The following MACROD2 variants were observed in gnomAD, a reference collection of about 807,000 sequenced individuals.
MACROD2 encodes the protein ADP-ribose glycohydrolase MACROD2.
Under a neutral mutation model 70.4 loss-of-function variants are expected in MACROD2, and 36 were observed. That is an observed-to-expected ratio of 0.51 (90% CI 0.39 to 0.68). MACROD2 has a LOEUF of 0.68. MACROD2 is among the 30% of genes least tolerant of loss of function. The pLI is 0.00. For missense variants in MACROD2, 496 were observed against 538.4 expected, an observed-to-expected ratio of 0.92 and a Z score of 0.78; for synonymous variants, 172 against 178.8, an observed-to-expected ratio of 0.96 and a Z score of 0.30.
chr20:15,595,827 C>CTTG (rs569565767), intron 8 of MACROD2, among the ~76,000 whole-genome samples: 294 of 152,228 alleles, frequency 1.9e-3, no homozygotes, highest in Admixed American at 7.5e-3. Context: ...ACTTGGCACA[C>CTTG]TAATAGAGGC....
intron 5 of MACROD2, among the ~76,000 whole-genome samples, chr20:14,885,346 A>G (rs1450316808): frequency 2.6e-5 from 4 of 152,108 alleles, no homozygotes; most frequent in Admixed American, 1.3e-4. Flanking sequence ...ATCAGATATT[A>G]TTGTATCATA....
chr20:15,455,794 A>G (rs1327285717), intron 7 of MACROD2, among the ~76,000 whole-genome samples: 1 of 152,116 alleles, frequency 6.6e-6, no homozygotes, highest in African/African-American at 2.4e-5. Context: ...CGGTTTTCCT[A>G]CATGGATTAC....
intron 5 of MACROD2, among the ~76,000 whole-genome samples, chr20:15,038,242 C>T (rs1054285263): frequency 6.6e-6 from 1 of 152,134 alleles, no homozygotes; most frequent in Non-Finnish European, 1.5e-5. Flanking sequence ...AGATTTCAAA[C>T]TGCATTTATA....
intron 5 of MACROD2, among the ~76,000 whole-genome samples, chr20:14,787,238 A>G (rs1184854850): frequency 6.6e-6 from 1 of 152,090 alleles, no homozygotes; most frequent in Non-Finnish European, 1.5e-5. Flanking sequence ...ATCTTCTCTC[A>G]ATTGCCTTTT....
At chr20:15,534,304 A>T (rs549715412) in intron 8 of MACROD2, among the ~76,000 whole-genome samples, 1 of 152,354 alleles carries the variant, frequency 6.6e-6, no homozygotes, top group African/African-American at 2.4e-5. Context: ...GTATAGCTAG[A>T]GTTATGTCTC....
At chr20:14,133,614 T>C (rs896925908) in intron 3 of MACROD2, among the ~76,000 whole-genome samples, 2 of 152,228 alleles carry the variant, frequency 1.3e-5, no homozygotes, top group Admixed American at 6.5e-5. Context: ...GGAAAAGTCC[T>C]GAATGGGTGA....
intron 8 of MACROD2, among the ~76,000 whole-genome samples, chr20:15,858,286 A>T (rs1245712763): frequency 2.9e-5 from 1 of 34,896 alleles, no homozygotes. Flanking sequence ...CCTAACATTT[A>T]AAAAAAAATG....
At chr20:15,055,857 G>A (rs1224469980) in intron 5 of MACROD2, among the ~76,000 whole-genome samples, 3 of 149,484 alleles carry the variant, frequency 2.0e-5, no homozygotes, top group East Asian at 2.0e-4. Context: ...GTGCAGTGGC[G>A]CCATCTCGGC....
At chr20:14,086,495 A>C (rs1334239616) in intron 3 of MACROD2, among the ~76,000 whole-genome samples, 1 of 152,234 alleles carries the variant, frequency 6.6e-6, no homozygotes, top group Non-Finnish European at 1.5e-5. Context: ...TTATCTAAAT[A>C]GACTATGACA....
intron 6 of MACROD2, among the ~76,000 whole-genome samples, chr20:15,361,633 A>G (rs1011701738): frequency 2.0e-4 from 31 of 152,324 alleles, no homozygotes; most frequent in South Asian, 6.2e-4. Flanking sequence ...TTAAACTTCT[A>G]TGTCATTTAG....
At chr20:15,022,399 T>C (rs913767760) in intron 5 of MACROD2, among the ~76,000 whole-genome samples, 2 of 152,198 alleles carry the variant, frequency 1.3e-5, no homozygotes, top group Admixed American at 6.5e-5. Context: ...GTAATATTAT[T>C]TGATGTTTTT....
At chr20:15,686,429 A>G (rs1013277349) in intron 8 of MACROD2, among the ~76,000 whole-genome samples, 2 of 152,194 alleles carry the variant, frequency 1.3e-5, no homozygotes, top group Non-Finnish European at 2.9e-5. Context: ...GGAAAATGCC[A>G]TTATTGCAAA....
chr20:14,083,642 T>C (rs1330921110), intron 2 of MACROD2, among the ~76,000 whole-genome samples: 1 of 152,146 alleles, frequency 6.6e-6, no homozygotes, highest in East Asian at 1.9e-4. Flanking sequence ...AATAGTACTG[T>C]AGGAGTCCCT....
At chr20:15,683,372 A>T in intron 8 of MACROD2, among the ~76,000 whole-genome samples, 1 of 152,212 alleles carries the variant, frequency 6.6e-6, no homozygotes, top group East Asian at 1.9e-4. Flanking sequence ...ATCATCCTAG[A>T]AATTATTTCA....
At position 15,885,890 on chromosome 20, in the gene MACROD2, C is replaced by T. The variant is rs190692474; in HGVS notation, c.775+79C>T. ...TTATGTACACTTCATATTTTTTCAA[C>T]GAAAGACAAAATAAGATTAATAAAA... On this transcript the variant is annotated intron_variant, in intron 10 of 17. Transcript: ENST00000684519. 4.2e-4 allele frequency: 556 copies of T among 1,339,454 alleles called. 2 individuals carry two copies. The East Asian group carries it at 5.0e-3, about 12-fold the overall frequency. The allele number at this position is 1,339,454 out of a possible 1,614,324, so 83.0% of individuals were successfully genotyped here.
At chr20:14,966,374 G>C (rs764940034) in intron 5 of MACROD2, among the ~76,000 whole-genome samples, 5 of 152,124 alleles carry the variant, frequency 3.3e-5, no homozygotes, top group Admixed American at 6.5e-5. Context: ...CCAGGAGTTT[G>C]ACACCAGCCT....
At chr20:14,191,637 A>G (rs948332485) in intron 3 of MACROD2, among the ~76,000 whole-genome samples, 2 of 152,334 alleles carry the variant, frequency 1.3e-5, no homozygotes, top group South Asian at 2.1e-4. Flanking sequence ...TTAAAATAGG[A>G]TGGTCTGAAA....
chr20:14,908,540 A>T (rs1157786886), intron 5 of MACROD2, among the ~76,000 whole-genome samples: 1 of 151,784 alleles, frequency 6.6e-6, no homozygotes, highest in East Asian at 1.9e-4. Context: ...CTGTAGTCCC[A>T]GCTACTCGGG....
chr20:15,291,396 C>G (rs577454510), intron 6 of MACROD2, among the ~76,000 whole-genome samples: 23 of 152,150 alleles, frequency 1.5e-4, no homozygotes, highest in Admixed American at 6.5e-4. Flanking sequence ...ACCTGAGACA[C>G]AGTAGGCCCA....
Sources: gnomAD v4.1 joint callset for allele counts (sites outside exome capture counted in the v4.1 genomes callset) on GRCh38, gnomAD v4.1.1 for gene constraint, MANE v1.5 for transcripts, NCBI Gene and HGNC (gene_info 2026-07-23, HGNC 2026-07-21) for gene names.